The following PDE1C variants were observed in gnomAD, a reference collection of about 807,000 sequenced individuals.
PDE1C encodes the protein dual specificity calcium/calmodulin-dependent 3',5'-cyclic nucleotide phosphodiesterase 1C.
PDE1C carries 62 observed loss-of-function variants against 93.1 expected under a neutral mutation model. The ratio of observed to expected loss-of-function variants is 0.67; its 90% CI spans 0.54 to 0.82. The LOEUF is 0.82. PDE1C is among the 40% of genes least tolerant of loss of function. The pLI, the probability that PDE1C is intolerant of heterozygous loss-of-function variation, is 0.00. For synonymous variants in PDE1C, 325 were observed against 310.1 expected (o/e 1.05, Z -0.50); for missense variants, 742 against 884.6 (o/e 0.84, Z 2.04).
chr7:32,319,920 A>G (rs1043277440), intron 1 of PDE1C, among the ~76,000 whole-genome samples: 2 of 152,174 alleles, frequency 1.3e-5, no homozygotes, highest in Admixed American at 6.5e-5. Flanking sequence ...ATAGATAGGT[A>G]AAAATTACTT....
intron 1 of PDE1C, among the ~76,000 whole-genome samples, chr7:32,063,707 G>C (rs1795064982): frequency 6.6e-6 from 1 of 152,130 alleles, no homozygotes; most frequent in Non-Finnish European, 1.5e-5. Context: ...GTATTTCAGA[G>C]AGATTTAACT....
chr7:31,815,239 T>A (rs960404130), intron 15 of PDE1C, among the ~76,000 whole-genome samples: 7 of 152,314 alleles, frequency 4.6e-5, no homozygotes, highest in African/African-American at 1.7e-4. Context: ...TTGGAGGATG[T>A]CTCTATCACC....
At chr7:31,656,713 G>A in the PDE1C span, among the ~76,000 whole-genome samples, 1 of 152,178 alleles carries the variant, frequency 6.6e-6, no homozygotes, top group African/African-American at 2.4e-5. Flanking sequence ...TTTGTGGACG[G>A]TTTTGACAGT....
At chr7:31,807,274 T>C (rs1786970024) in intron 16 of PDE1C, among the ~76,000 whole-genome samples, 3 of 151,896 alleles carry the variant, frequency 2.0e-5, no homozygotes, top group Admixed American at 1.3e-4. Flanking sequence ...GAGACAGACA[T>C]TAAAAAATGT....
intron 3 of PDE1C, among the ~76,000 whole-genome samples, chr7:32,110,837 G>T (rs539911549): frequency 2.0e-5 from 3 of 152,266 alleles, no homozygotes; most frequent in Admixed American, 2.0e-4. Flanking sequence ...TGAGATACAT[G>T]AAAATATCTA....
intron 15 of PDE1C, among the ~76,000 whole-genome samples, chr7:31,814,089 C>CACAG (rs1397088681): frequency 2.1e-4 from 32 of 151,000 alleles, no homozygotes; most frequent in Non-Finnish European, 3.2e-4. Flanking sequence ...TGTACACACA[C>CACAG]ACACACACAC....
chr7:32,032,799 G>A (rs1790511113), intron 2 of PDE1C, among the ~76,000 whole-genome samples: 1 of 152,116 alleles, frequency 6.6e-6, no homozygotes, highest in African/African-American at 2.4e-5. Flanking sequence ...CAGAATCTCA[G>A]GCCCCATCCC....
intron 15 of PDE1C, among the ~76,000 whole-genome samples, chr7:31,813,079 G>A (rs963089776): frequency 2.0e-5 from 3 of 152,092 alleles, no homozygotes; most frequent in African/African-American, 4.8e-5. Context: ...TACATGTTAA[G>A]CATTCAATAA....
chr7:31,996,645 T>G (rs1009172320), intron 2 of PDE1C, among the ~76,000 whole-genome samples: 1 of 152,202 alleles, frequency 6.6e-6, no homozygotes, highest in Admixed American at 6.5e-5. Context: ...TGTACACACC[T>G]GTGAATGGAA....
intron 3 of PDE1C, among the ~76,000 whole-genome samples, chr7:32,146,279 T>C (rs978995735): frequency 4.6e-5 from 7 of 152,126 alleles, no homozygotes; most frequent in Admixed American, 1.3e-4. Context: ...ACCACAACCT[T>C]AGTAGCTTCA....
At chr7:32,393,851 T>A (rs532705360) in intron 1 of PDE1C, among the ~76,000 whole-genome samples, 2 of 152,348 alleles carry the variant, frequency 1.3e-5, no homozygotes, top group East Asian at 3.9e-4. Context: ...TCACATATTT[T>A]GTCTTATTTT....
At chr7:32,267,586 ACTCTCTCT>A (rs57210713) in intron 1 of PDE1C, among the ~76,000 whole-genome samples, 2,472 of 117,592 alleles carry the variant, frequency 0.021, 64 homozygotes, top group African/African-American at 0.071. Flanking sequence ...ACACACACAC[ACTCTCTCT>A]CTCTCTCTCT....
At position 31,914,346 on chromosome 7, in the gene PDE1C, A is replaced by G. The variant is rs901630058; in HGVS notation, c.129-33486T>C. ...TATAAAATTAACAGACTGGAAGGGA[A>G]AGCTTTATGACAAGAAGTTCCGAGA... On this transcript the variant is annotated intron_variant, in intron 2 of 17. Coordinates refer to ENST00000396191, the MANE Select transcript of PDE1C (RefSeq NM_001191057.4). Among the ~76,000 whole-genome samples the G allele has an allele frequency of 2.0e-5, 3 of 152,230 alleles. No homozygotes were observed. The East Asian group carries it at 5.8e-4, about 29-fold the overall frequency.
At chr7:32,350,417 A>G (rs1226499542) in intron 1 of PDE1C, among the ~76,000 whole-genome samples, 2 of 95,484 alleles carry the variant, frequency 2.1e-5, no homozygotes, top group East Asian at 1.0e-3. Flanking sequence ...AACAAAGAAC[A>G]ATTCCTTAAT....
downstream of PDE1C, among the ~76,000 whole-genome samples, chr7:31,749,019 T>C (rs1413055919): frequency 1.3e-5 from 2 of 152,148 alleles, no homozygotes; most frequent in African/African-American, 2.4e-5. Context: ...ACTTAAAAAA[T>C]AGTGGCTATC....
chr7:32,332,185 G>GAA (rs1783528600), intron 1 of PDE1C, among the ~76,000 whole-genome samples: 1 of 151,804 alleles, frequency 6.6e-6, no homozygotes, highest in African/African-American at 2.4e-5. Context: ...TAATCAAAAA[G>GAA]AAAAACACAG....
chr7:32,211,381 T>C (rs1447319193), intron 1 of PDE1C, among the ~76,000 whole-genome samples: 1 of 152,206 alleles, frequency 6.6e-6, no homozygotes, highest in Non-Finnish European at 1.5e-5. Context: ...ATAATTCACA[T>C]TCATATTCCT....
intron 1 of PDE1C, among the ~76,000 whole-genome samples, chr7:32,348,735 G>T (rs1380651355): frequency 6.6e-6 from 1 of 152,090 alleles, no homozygotes; most frequent in African/African-American, 2.4e-5. Context: ...GGGGTAGGGG[G>T]ACTCCCCAGA....
chr7:32,065,314 C>G (rs1191023819), intron 1 of PDE1C, among the ~76,000 whole-genome samples: 1 of 152,156 alleles, frequency 6.6e-6, no homozygotes, highest in Non-Finnish European at 1.5e-5. Flanking sequence ...CCTTGTTTTT[C>G]TCTCATCTTT....
Sources: allele counts gnomAD v4.1 joint callset (sites outside exome capture counted in the v4.1 genomes callset), GRCh38; gene constraint gnomAD v4.1.1; transcripts MANE v1.5; gene names NCBI Gene and HGNC (gene_info 2026-07-23, HGNC 2026-07-21).